SH3RF3: variants seen among roughly 807,000 people sequenced by gnomAD.
SH3RF3 encodes the protein E3 ubiquitin-protein ligase SH3RF3.
In SH3RF3, 29 loss-of-function variants were observed where a neutral mutation model predicts 66.3. The observed-to-expected ratio is 0.44, with a 90% CI of 0.33 to 0.60. The LOEUF (loss-of-function observed/expected upper bound fraction) is 0.60. Among genes scored for constraint, SH3RF3 ranks in the 20% least tolerant of loss-of-function variants. The pLI is 0.04. For missense variants in SH3RF3, 1,194 were observed against 1,190.9 expected, an observed-to-expected ratio of 1.00 and a Z score of -0.04; for synonymous variants, 583 against 532.0, an observed-to-expected ratio of 1.10 and a Z score of -1.32.
chr2:109,188,078 C>T (rs780742233), intron 1 of SH3RF3, among the ~76,000 whole-genome samples: 14 of 152,230 alleles, frequency 9.2e-5, no homozygotes, highest in African/African-American at 1.7e-4. Context: ...TGAGTGGTCC[C>T]GAACTGCAGA....
intron 3 of SH3RF3, among the ~76,000 whole-genome samples, chr2:109,383,995 C>G (rs557129268): frequency 6.6e-6 from 1 of 152,330 alleles, no homozygotes; most frequent in Non-Finnish European, 1.5e-5. Context: ...GGGCTGGCCC[C>G]TCACAAATGA....
At chr2:109,211,164 G>A (rs1678965697) in intron 1 of SH3RF3, among the ~76,000 whole-genome samples, 1 of 152,210 alleles carries the variant, frequency 6.6e-6, no homozygotes, top group South Asian at 2.1e-4. Flanking sequence ...TAAAGGAGAA[G>A]TGAGCCCTGC....
chr2:109,138,776 A>G (rs1676869546), intron 1 of SH3RF3, among the ~76,000 whole-genome samples: 2 of 152,236 alleles, frequency 1.3e-5, no homozygotes, highest in South Asian at 4.1e-4. Flanking sequence ...CTGCTCTTGA[A>G]GACTGGCCCA....
At chr2:109,293,760 A>G (rs1299023225) in intron 1 of SH3RF3, among the ~76,000 whole-genome samples, 1 of 152,232 alleles carries the variant, frequency 6.6e-6, no homozygotes, top group Non-Finnish European at 1.5e-5. Flanking sequence ...CCATGTGAAC[A>G]GGGTGCACCC....
chr2:109,291,781 G>C (rs1260097699), intron 1 of SH3RF3, among the ~76,000 whole-genome samples: 1 of 152,218 alleles, frequency 6.6e-6, no homozygotes, highest in African/African-American at 2.4e-5. Flanking sequence ...TCCAGTTTCA[G>C]GTGACTGTTG....
chr2:109,341,309 A>G (rs1449183056), intron 1 of SH3RF3, among the ~76,000 whole-genome samples: 1 of 152,266 alleles, frequency 6.6e-6, no homozygotes, highest in Non-Finnish European at 1.5e-5. Context: ...TCGCGGATTA[A>G]ATCTATAAAG....
At chr2:109,288,722 T>A (rs1681095672) in intron 1 of SH3RF3, among the ~76,000 whole-genome samples, 1 of 152,208 alleles carries the variant, frequency 6.6e-6, no homozygotes, top group African/African-American at 2.4e-5. Flanking sequence ...GACCCCTGTC[T>A]TAGGAACATG....
chr2:109,220,736 G>GA (rs57757437), intron 1 of SH3RF3, among the ~76,000 whole-genome samples: 56,206 of 151,990 alleles, frequency 0.37, 11,736 homozygotes, highest in East Asian at 0.8. Flanking sequence ...CCACCTGTTA[G>GA]AAGGGGCATT....
intron 1 of SH3RF3, among the ~76,000 whole-genome samples, chr2:109,272,827 G>A (rs1269753693): frequency 1.3e-5 from 2 of 152,180 alleles, no homozygotes; most frequent in Non-Finnish European, 2.9e-5. Context: ...CGTCAGGCTT[G>A]GTGTGTGTGG....
chr2:109,452,895 G>T (rs1019644064), intron 8 of SH3RF3, among the ~76,000 whole-genome samples: 1 of 149,272 alleles, frequency 6.7e-6, no homozygotes, highest in African/African-American at 2.5e-5. Flanking sequence ...GTCCCAGGAG[G>T]CTGGTCCCGG....
chr2:109,301,732 A>G (rs961619872), intron 1 of SH3RF3, among the ~76,000 whole-genome samples: 47 of 152,232 alleles, frequency 3.1e-4, no homozygotes, highest in African/African-American at 1.1e-3. Flanking sequence ...TTTGATTCCC[A>G]TGTATTTGCT....
At chr2:109,419,048 AG>A (rs1296015810) in intron 4 of SH3RF3, among the ~76,000 whole-genome samples, 1 of 151,914 alleles carries the variant, frequency 6.6e-6, no homozygotes, top group African/African-American at 2.4e-5. Flanking sequence ...TCTTGGGGGG[AG>A]GGGGGCACCC....
intron 1 of SH3RF3, among the ~76,000 whole-genome samples, chr2:109,211,380 G>A (rs1176386124): frequency 6.6e-6 from 1 of 152,216 alleles, no homozygotes; most frequent in Non-Finnish European, 1.5e-5. Flanking sequence ...CACAGAAGAT[G>A]CTAAATCAGG....
At chr2:109,458,278 C>T (rs1678115441) in intron 8 of SH3RF3, among the ~76,000 whole-genome samples, 1 of 152,184 alleles carries the variant, frequency 6.6e-6, no homozygotes, top group Non-Finnish European at 1.5e-5. Flanking sequence ...AGAGGATTCA[C>T]ACTCTGTCTG....
intron 8 of SH3RF3, among the ~76,000 whole-genome samples, chr2:109,466,195 G>A (rs940841864): frequency 4.2e-5 from 6 of 144,402 alleles, no homozygotes; most frequent in Non-Finnish European, 8.9e-5. Flanking sequence ...CGATTCTCCT[G>A]CCTCAGCCTC....
chr2:109,199,777 T>A (rs376577786), intron 1 of SH3RF3, among the ~76,000 whole-genome samples: 5 of 19,600 alleles, frequency 2.6e-4, no homozygotes, highest in African/African-American at 4.2e-4. Flanking sequence ...TGGAATGGAA[T>A]GGAATGGAAT....
chr2:109,221,829 A>G (rs1026138110), intron 1 of SH3RF3, among the ~76,000 whole-genome samples: 2 of 152,192 alleles, frequency 1.3e-5, no homozygotes, highest in Non-Finnish European at 2.9e-5. Context: ...TAGAACTATC[A>G]TATGATCCAA....
At chr2:109,134,438 CCT>C (rs1676772119) in intron 1 of SH3RF3, among the ~76,000 whole-genome samples, 1 of 152,092 alleles carries the variant, frequency 6.6e-6, no homozygotes, top group Admixed American at 6.5e-5. Context: ...TCAGAAGGCC[CCT>C]GAGTGTGGAA....
intron 8 of SH3RF3, among the ~76,000 whole-genome samples, chr2:109,485,774 G>A (rs533506704): frequency 6.6e-6 from 1 of 152,376 alleles, no homozygotes; most frequent in Admixed American, 6.5e-5. Context: ...TAACTCATAA[G>A]CTCTCCCTTC....
Sources: allele counts gnomAD v4.1 joint callset (sites outside exome capture counted in the v4.1 genomes callset), GRCh38; gene constraint gnomAD v4.1.1; transcripts MANE v1.5; gene names NCBI Gene and HGNC (gene_info 2026-07-23, HGNC 2026-07-21).